TENM3: variants seen among roughly 807,000 people sequenced by gnomAD.
TENM3 encodes teneurin transmembrane protein 3, also known as teneurin-3.
In TENM3, 63 loss-of-function variants were observed where a neutral mutation model predicts 255.1. That is an observed-to-expected ratio of 0.25 (90% CI 0.20 to 0.30). The LOEUF (loss-of-function observed/expected upper bound fraction) is 0.30. Among genes scored for constraint, TENM3 ranks in the 10% least tolerant of loss-of-function variants. The pLI, the probability that TENM3 is intolerant of heterozygous loss-of-function variation, is 1.00. For missense variants in TENM3, 2,929 were observed against 3,461.1 expected, an observed-to-expected ratio of 0.85 and a Z score of 3.86; for synonymous variants, 1,306 against 1,322.3, an observed-to-expected ratio of 0.99 and a Z score of 0.27.
intron 11 of TENM3, among the ~76,000 whole-genome samples, chr4:182,683,947 G>C (rs79635489): frequency 6.6e-6 from 1 of 151,914 alleles, no homozygotes; most frequent in South Asian, 2.1e-4. Flanking sequence ...GTGTTGAGAA[G>C]AGCTGTAAGA....
At chr4:181,824,279 T>TC in the TENM3 span, among the ~76,000 whole-genome samples, 1 of 151,736 alleles carries the variant, frequency 6.6e-6, no homozygotes, top group Non-Finnish European at 1.5e-5. Flanking sequence ...TTTTTTTTTT[T>TC]TTTTAAGAGA....
intron 6 of TENM3, among the ~76,000 whole-genome samples, chr4:182,667,954 C>T (rs944778094): frequency 9.7e-5 from 14 of 144,306 alleles, no homozygotes; most frequent in Admixed American, 9.6e-4. Flanking sequence ...ATAATAAATA[C>T]ATAAATACAT....
intron 3 of TENM3, among the ~76,000 whole-genome samples, chr4:182,376,626 A>C (rs532185804): frequency 1.3e-5 from 2 of 152,316 alleles, no homozygotes; most frequent in East Asian, 3.9e-4. Flanking sequence ...AAAGACAGTC[A>C]TGTTGGGTGT....
At chr4:181,931,155 G>T in the TENM3 span, among the ~76,000 whole-genome samples, 1 of 152,196 alleles carries the variant, frequency 6.6e-6, no homozygotes, top group Non-Finnish European at 1.5e-5. Flanking sequence ...AGTATTGGAA[G>T]TTCTGGCCAG....
At chr4:182,426,356 A>G (rs1223795035) in intron 3 of TENM3, among the ~76,000 whole-genome samples, 1 of 152,190 alleles carries the variant, frequency 6.6e-6, no homozygotes, top group Non-Finnish European at 1.5e-5. Context: ...AAGAAAGTAT[A>G]TGCTATACTA....
chr4:182,124,353 A>G, the TENM3 span, among the ~76,000 whole-genome samples: 3 of 152,312 alleles, frequency 2.0e-5, no homozygotes, highest in East Asian at 3.9e-4. Flanking sequence ...CACCCTGCTG[A>G]AACTACCCGT....
the TENM3 span, among the ~76,000 whole-genome samples, chr4:181,943,080 T>G: frequency 1.3e-5 from 2 of 152,246 alleles, no homozygotes; most frequent in African/African-American, 4.8e-5. Context: ...TGAACAAACT[T>G]GTGTTTTATG....
chr4:182,621,158 A>G lies in TENM3; in HGVS notation c.750-7493A>G, dbSNP rs558434387. Among the ~76,000 whole-genome samples, 237 of 150,330 alleles carry G rather than the reference A, an allele frequency of 1.6e-3. 1 individual carries two copies. Among genetic ancestry groups the G allele is most frequent in the East Asian group, 4.7e-3 (24 of 5,066 alleles). On this transcript the variant is annotated intron_variant, in intron 4 of 27. Transcript: ENST00000511685. ...GTCGCACCACTGCACTCCAGCCTGGACAACAGAGCGAGACTCCGTCTAAAA... is the reference window on the plus strand; with the variant it reads ...GTCGCACCACTGCACTCCAGCCTGGGCAACAGAGCGAGACTCCGTCTAAAA...
At chr4:181,888,504 A>ATATATATATATATACACATATATGTG in the TENM3 span, among the ~76,000 whole-genome samples, 1 of 23,430 alleles carries the variant, frequency 4.3e-5, no homozygotes, top group African/African-American at 1.6e-4. Flanking sequence ...GTATATATAT[A>ATATATATATATATACACATATATGTG]TATATATATA....
intron 1 of TENM3, chr4:182,145,043 C>T (rs953563812): frequency 1.3e-5 from 2 of 152,086 alleles, no homozygotes; most frequent in South Asian, 2.1e-4. Context: ...GCCCCGGGGT[C>T]CCTGAGGAAG....
chr4:181,564,592 C>G, the TENM3 span, among the ~76,000 whole-genome samples: 1 of 152,102 alleles, frequency 6.6e-6, no homozygotes, highest in African/African-American at 2.4e-5. Context: ...GAACTTACAA[C>G]CCAGTGTCTT....
chr4:182,730,760 T>C (rs749862070), intron 15 of TENM3, 118 bp from the exon 16 acceptor site: 31 of 1,081,176 alleles, frequency 2.9e-5, no homozygotes, highest in African/African-American at 6.4e-5. Flanking sequence ...AAATATTTCA[T>C]ATAAAAGTTG....
intron 13 of TENM3, among the ~76,000 whole-genome samples, chr4:182,715,565 T>C (rs1759090743): frequency 6.6e-6 from 1 of 152,214 alleles, no homozygotes; most frequent in South Asian, 2.1e-4. Context: ...TAGCAGCTAT[T>C]ATTATCCAGT....
chr4:182,730,045 A>G (rs894185378), intron 14 of TENM3, among the ~76,000 whole-genome samples, 155 bp from the exon 15 acceptor site: 17 of 152,212 alleles, frequency 1.1e-4, no homozygotes, highest in South Asian at 6.2e-4. Flanking sequence ...TAAAAGGGAC[A>G]TTGTCTTGGG....
At chr4:182,442,845 T>TACAC (rs1445116595) in intron 3 of TENM3, among the ~76,000 whole-genome samples, 103 of 79,576 alleles carry the variant, frequency 1.3e-3, no homozygotes, top group African/African-American at 4.9e-3. Flanking sequence ...TACATACATA[T>TACAC]ATACACACAC....
chr4:181,621,270 T>G, the TENM3 span, among the ~76,000 whole-genome samples: 1 of 152,194 alleles, frequency 6.6e-6, no homozygotes, highest in Non-Finnish European at 1.5e-5. Flanking sequence ...AAGTGCATGT[T>G]AAATGAATGA....
At chr4:182,358,125 G>A (rs1322582664) in intron 3 of TENM3, among the ~76,000 whole-genome samples, 3 of 151,758 alleles carry the variant, frequency 2.0e-5, no homozygotes, top group Non-Finnish European at 4.4e-5. Context: ...CTGTAGGCTT[G>A]TAGTAGAGTT....
intron 3 of TENM3, among the ~76,000 whole-genome samples, chr4:182,593,093 A>T (rs1358219258): frequency 6.6e-6 from 1 of 152,140 alleles, no homozygotes; most frequent in Non-Finnish European, 1.5e-5. Context: ...AGTCCAGTGT[A>T]CTTTCTGTTT....
chr4:181,534,662 T>C, the TENM3 span, among the ~76,000 whole-genome samples: 1 of 152,052 alleles, frequency 6.6e-6, no homozygotes. Flanking sequence ...GTTCCCAGAG[T>C]ACCTGGCAAT....
Sources: gnomAD v4.1 joint callset for allele counts (sites outside exome capture counted in the v4.1 genomes callset) on GRCh38, gnomAD v4.1.1 for gene constraint, MANE v1.5 for transcripts, NCBI Gene and HGNC (gene_info 2026-07-23, HGNC 2026-07-21) for gene names.